ENTREP1: variants seen among roughly 807,000 people sequenced by gnomAD.
ENTREP1 encodes endosomal transmembrane epsin interactor 1.
chr9:69,350,787 A>G, the ENTREP1 span, among the ~76,000 whole-genome samples: 3 of 152,184 alleles, frequency 2.0e-5, no homozygotes, highest in African/African-American at 7.2e-5. Context: ...AAATGAAGTC[A>G]TTGCTTGATG....
the ENTREP1 span, chr9:69,324,740 G>C: frequency 1.0e-6 from 1 of 985,494 alleles, no homozygotes; most frequent in Non-Finnish European, 1.2e-6. Flanking sequence ...CCTCCTCCAG[G>C]CATCCCCCTC....
At chr9:69,373,672 A>G in the ENTREP1 span, among the ~76,000 whole-genome samples, 1 of 152,130 alleles carries the variant, frequency 6.6e-6, no homozygotes, top group Non-Finnish European at 1.5e-5. Flanking sequence ...ATCATTCTGT[A>G]TATCCTCAGG....
At chr9:69,344,432 G>T in the ENTREP1 span, among the ~76,000 whole-genome samples, 1 of 152,182 alleles carries the variant, frequency 6.6e-6, no homozygotes, top group Admixed American at 6.5e-5. Flanking sequence ...TCTCCAATTT[G>T]TATTTGGAGG....
chr9:69,341,589 G>A, the ENTREP1 span, among the ~76,000 whole-genome samples: 1 of 152,068 alleles, frequency 6.6e-6, no homozygotes, highest in Admixed American at 6.6e-5. Context: ...TTGTGTCTTG[G>A]ATGGAGAGTC....
chr9:69,345,459 T>G, the ENTREP1 span, among the ~76,000 whole-genome samples: 1 of 152,222 alleles, frequency 6.6e-6, no homozygotes, highest in South Asian at 2.1e-4. Flanking sequence ...ATATTTATAG[T>G]TATATATCTA....
the ENTREP1 span, among the ~76,000 whole-genome samples, chr9:69,350,155 C>T: frequency 6.6e-6 from 1 of 152,120 alleles, no homozygotes; most frequent in Admixed American, 6.6e-5. Flanking sequence ...TTGTCTAACC[C>T]AAGGTCATGA....
At chr9:69,382,886 CA>C in the ENTREP1 span, 1 of 307,564 alleles carries the variant, frequency 3.3e-6, no homozygotes, top group Non-Finnish European at 4.7e-6. Context: ...TTTTTTCTTT[CA>C]TTCTTTGATA....
chr9:69,375,983 C>T, the ENTREP1 span: 24 of 1,056,602 alleles, frequency 2.3e-5, 1 homozygote, highest in Admixed American at 3.3e-4. Flanking sequence ...CTGCTGAAAG[C>T]GCATGTGAGT....
the ENTREP1 span, chr9:69,387,919 G>T: frequency 6.8e-7 from 1 of 1,461,818 alleles, no homozygotes; most frequent in Non-Finnish European, 9.2e-7. Context: ...TTTACCTTGG[G>T]GGTGGTGTCG....
At chr9:69,341,438 A>T in the ENTREP1 span, among the ~76,000 whole-genome samples, 1 of 152,062 alleles carries the variant, frequency 6.6e-6, no homozygotes, top group Non-Finnish European at 1.5e-5. Flanking sequence ...TTTAGGATAA[A>T]ACCTCATTAC....
the ENTREP1 span, among the ~76,000 whole-genome samples, chr9:69,331,345 G>A: frequency 2.6e-5 from 4 of 152,150 alleles, no homozygotes; most frequent in Non-Finnish European, 5.9e-5. Context: ...TGATCTTAAC[G>A]ATTTGGTTTT....
At chr9:69,338,456 A>G in the ENTREP1 span, among the ~76,000 whole-genome samples, 2 of 152,236 alleles carry the variant, frequency 1.3e-5, no homozygotes, top group Non-Finnish European at 2.9e-5. Flanking sequence ...TGAAAAGAGT[A>G]TAAGTGTGTT....
chr9:69,352,095 G>T, the ENTREP1 span, among the ~76,000 whole-genome samples: 1 of 151,886 alleles, frequency 6.6e-6, no homozygotes, highest in African/African-American at 2.4e-5. Flanking sequence ...TTGACATCTA[G>T]GTCCTTCTTT....
the ENTREP1 span, among the ~76,000 whole-genome samples, chr9:69,342,978 A>G: frequency 6.6e-6 from 1 of 152,246 alleles, no homozygotes; most frequent in Non-Finnish European, 1.5e-5. Context: ...TACGGTTGGA[A>G]TCAAGACCTG....
At chr9:69,349,613 TTATTA>T in the ENTREP1 span, among the ~76,000 whole-genome samples, 1 of 152,224 alleles carries the variant, frequency 6.6e-6, no homozygotes, top group Admixed American at 6.5e-5. Context: ...ACTTGTCTTT[TTATTA>T]TGAGTCCCTT....
At chr9:69,337,618 C>T in the ENTREP1 span, among the ~76,000 whole-genome samples, 3 of 152,050 alleles carry the variant, frequency 2.0e-5, no homozygotes, top group East Asian at 1.9e-4. Flanking sequence ...TTTGATTCAG[C>T]GACTGTAAAC....
chr9:69,364,857 C>G, the ENTREP1 span, among the ~76,000 whole-genome samples: 1 of 152,046 alleles, frequency 6.6e-6, no homozygotes, highest in African/African-American at 2.4e-5. Context: ...CAAATGAAAC[C>G]CCAGGCCTTC....
the ENTREP1 span, chr9:69,387,994 GTGT>G: frequency 8.5e-7 from 1 of 1,175,460 alleles, no homozygotes; most frequent in African/African-American, 2.3e-5. Flanking sequence ...GAATAACCTT[GTGT>G]TGTTTTCCCT....
At chr9:69,376,038 G>A in the ENTREP1 span, among the ~76,000 whole-genome samples, 2 of 152,146 alleles carry the variant, frequency 1.3e-5, no homozygotes, top group African/African-American at 4.8e-5. Flanking sequence ...ACAGATTATT[G>A]TGTGTGTTAA....
Sources: gnomAD v4.1 joint callset for allele counts (sites outside exome capture counted in the v4.1 genomes callset) on GRCh38, gnomAD v4.1.1 for gene constraint, MANE v1.5 for transcripts, NCBI Gene and HGNC (gene_info 2026-07-23, HGNC 2026-07-21) for gene names.